SLCO6A1: variants seen among roughly 807,000 people sequenced by gnomAD.
The protein encoded by SLCO6A1 is solute carrier organic anion transporter family member 6A1, also known as cancer/testis antigen 48.
SLCO6A1 carries 65 observed loss-of-function variants against 72.7 expected under a neutral mutation model. The ratio of observed to expected loss-of-function variants is 0.89; its 90% CI spans 0.73 to 1.10. SLCO6A1 has a LOEUF of 1.10. Among genes scored for constraint, SLCO6A1 ranks in the 50% least tolerant of loss-of-function variants. The pLI is 0.00. For missense variants in SLCO6A1, 874 were observed against 872.6 expected, an observed-to-expected ratio of 1.00 and a Z score of -0.02; for synonymous variants, 314 against 298.2, an observed-to-expected ratio of 1.05 and a Z score of -0.55.
intron 1 of SLCO6A1, among the ~76,000 whole-genome samples, chr5:102,486,789 A>G (rs1373733378): frequency 6.6e-6 from 1 of 152,158 alleles, no homozygotes. Flanking sequence ...TCTCTACCCA[A>G]AAATTCGTGT....
chr5:102,449,926 G>A (rs904048199), intron 6 of SLCO6A1, among the ~76,000 whole-genome samples: 5 of 152,084 alleles, frequency 3.3e-5, no homozygotes, highest in African/African-American at 4.8e-5. Flanking sequence ...TTCCTCAACC[G>A]ATAATACTCC....
chr5:102,465,728 T>C (rs1440706707), intron 4 of SLCO6A1, among the ~76,000 whole-genome samples: 3 of 152,136 alleles, frequency 2.0e-5, no homozygotes, highest in Non-Finnish European at 4.4e-5. Flanking sequence ...CCATCTATCA[T>C]ATGAATACCT....
intron 1 of SLCO6A1, among the ~76,000 whole-genome samples, chr5:102,486,239 G>A (rs144750233): frequency 2.4e-4 from 36 of 152,122 alleles, no homozygotes; most frequent in African/African-American, 7.7e-4. Flanking sequence ...TGTGTACAAA[G>A]CACAATTAAA....
intron 7 of SLCO6A1, among the ~76,000 whole-genome samples, chr5:102,430,793 A>G (rs1749174578): frequency 6.6e-6 from 1 of 152,078 alleles, no homozygotes. Context: ...TGGTATCAGG[A>G]TGATTCTGGC....
intron 10 of SLCO6A1, among the ~76,000 whole-genome samples, chr5:102,391,406 G>A (rs777721686): frequency 1.8e-4 from 28 of 151,980 alleles, no homozygotes; most frequent in Non-Finnish European, 3.7e-4. Flanking sequence ...TTTTGCCCCT[G>A]TGAGATTCAC....
intron 6 of SLCO6A1, among the ~76,000 whole-genome samples, chr5:102,451,302 G>C (rs1750404287): frequency 6.6e-6 from 1 of 152,172 alleles, no homozygotes; most frequent in African/African-American, 2.4e-5. Context: ...GCAGGGGTGG[G>C]TTGGCTGTGC....
rs182630291 is a variant in SLCO6A1, at chr5:102,409,454, G to T, written c.1626+3536C>A. On this transcript the variant is annotated intron_variant, in intron 9 of 13. Coordinates refer to ENST00000506729, the MANE Select transcript of SLCO6A1 (RefSeq NM_173488.5). ...TAGGTACTTGATCATTTTTTGTATAGTGTATCTTATTTTAATTTTTATTTT... is the reference window on the plus strand; with the variant it reads ...TAGGTACTTGATCATTTTTTGTATATTGTATCTTATTTTAATTTTTATTTT... 3.0e-3 allele frequency among the ~76,000 whole-genome samples: 449 copies of T among 151,920 alleles called. 5 individuals are homozygous for T. The highest frequency in any genetic ancestry group is 0.023 in the South Asian group (111 of 4,810).
At chr5:102,448,486 G>T (rs1238450276) in intron 6 of SLCO6A1, among the ~76,000 whole-genome samples, 2 of 152,096 alleles carry the variant, frequency 1.3e-5, no homozygotes, top group African/African-American at 2.4e-5. Flanking sequence ...GTCTCCCACT[G>T]TTATTGTGTA....
At chr5:102,485,281 TAAATAAATAAATAAA>T (rs1182132540) in intron 1 of SLCO6A1, among the ~76,000 whole-genome samples, 9 of 125,010 alleles carry the variant, frequency 7.2e-5, no homozygotes, top group African/African-American at 3.0e-4. Context: ...AATAAATAAA[TAAATAAATAAATAAA>T]ATAAAATAAA....
chr5:102,387,380 T>A (rs1257545821), intron 12 of SLCO6A1, among the ~76,000 whole-genome samples: 1 of 152,210 alleles, frequency 6.6e-6, no homozygotes, highest in African/African-American at 2.4e-5. Context: ...TCTCTTCTAG[T>A]TCACCAACTT....
rs1319468080 is a variant in SLCO6A1 at position 102,460,928 on chromosome 5, A to G, written c.900-1151T>C. Among the ~76,000 whole-genome samples, 5 of 12,782 alleles carry G rather than the reference A, an allele frequency of 3.9e-4. No individual in the cohort carries two copies. The East Asian group carries it at 6.8e-3, about 17-fold the overall frequency. The allele number at this position is 12,782 out of a possible 152,430, so 8.4% of individuals were successfully genotyped here. Reference sequence around the variant, plus strand: ...TATATATATATATATATATATATATATATATATATATATATATATATATAT... The same window carrying G: ...TATATATATATATATATATATATATGTATATATATATATATATATATATAT... On this transcript the variant is annotated intron_variant, in intron 4 of 13. Coordinates refer to ENST00000506729, the MANE Select transcript of SLCO6A1 (RefSeq NM_173488.5).
Position 102,459,702 on chromosome 5 carries a change from T to C in SLCO6A1, c.975A>G (p.Ala325=), listed in dbSNP as rs144439446. ...WINFLFAAVV[A]WCTLIPLSCF... The stretch of plus-strand genomic sequence containing the variant: ...ATGACAATGGTATTAATGTACACCA[T>C]GCAACGACAGCGGCAAAAAGAAAAT... Residue 325 remains alanine (A), a synonymous_variant, in exon 5 of 14, where the codon GCA becomes GCG. Transcript: ENST00000506729. The C allele has an allele frequency of 1.5e-3, 2,357 of 1,610,912 alleles. 1 individual carries two copies. The highest frequency in any genetic ancestry group is 1.9e-3 in the Non-Finnish European group (2,188 of 1,178,798).
intron 4 of SLCO6A1, among the ~76,000 whole-genome samples, chr5:102,470,203 T>C (rs977214638): frequency 6.6e-6 from 1 of 152,166 alleles, no homozygotes; most frequent in Non-Finnish European, 1.5e-5. Flanking sequence ...TCCCTCTTTT[T>C]CTAGTGATTG....
intron 12 of SLCO6A1, among the ~76,000 whole-genome samples, chr5:102,380,583 G>GT (rs1746051070): frequency 1.3e-5 from 2 of 152,092 alleles, no homozygotes; most frequent in Admixed American, 1.3e-4. Flanking sequence ...ACAGATCACT[G>GT]TTGAGTAACC....
intron 6 of SLCO6A1, among the ~76,000 whole-genome samples, chr5:102,458,010 C>G (rs1750823715): frequency 6.6e-6 from 1 of 151,932 alleles, no homozygotes; most frequent in African/African-American, 2.4e-5. Context: ...AACAAAAAAC[C>G]AAACACTGCA....
intron 6 of SLCO6A1, among the ~76,000 whole-genome samples, chr5:102,454,122 G>A (rs956599366): frequency 6.6e-6 from 1 of 152,272 alleles, no homozygotes; most frequent in East Asian, 1.9e-4. Context: ...TAGCTACGAT[G>A]CTGGCCTTTT....
chr5:102,451,347 G>A (rs1238707856), intron 6 of SLCO6A1, among the ~76,000 whole-genome samples: 1 of 152,170 alleles, frequency 6.6e-6, no homozygotes, highest in Non-Finnish European at 1.5e-5. Context: ...GTCTGGCAAG[G>A]TGTAGTGGAG....
chr5:102,437,144 A>T (rs1452191183), intron 7 of SLCO6A1, among the ~76,000 whole-genome samples: 1 of 152,106 alleles, frequency 6.6e-6, no homozygotes, highest in African/African-American at 2.4e-5. Flanking sequence ...TATAGGGCAA[A>T]ATTTGTCTGT....
intron 6 of SLCO6A1, among the ~76,000 whole-genome samples, chr5:102,457,204 T>C (rs1404550585): frequency 6.6e-6 from 1 of 152,186 alleles, no homozygotes; most frequent in African/African-American, 2.4e-5. Flanking sequence ...AAGGACTTCA[T>C]GTCTAAAGCA....
Sources: gnomAD v4.1 joint callset for allele counts (sites outside exome capture counted in the v4.1 genomes callset) on GRCh38, gnomAD v4.1.1 for gene constraint, MANE v1.5 for transcripts, NCBI Gene and HGNC (gene_info 2026-07-23, HGNC 2026-07-21) for gene names.